MMP24: variants seen among roughly 807,000 people sequenced by gnomAD.
MMP24 encodes matrix metallopeptidase 24.
In MMP24, 25 loss-of-function variants were observed where a neutral mutation model predicts 62.8. The ratio of observed to expected loss-of-function variants is 0.40; its 90% CI spans 0.29 to 0.56. The LOEUF (loss-of-function observed/expected upper bound fraction) is 0.56, where lower values mean the gene tolerates loss of function less well. Ranked by LOEUF, MMP24 falls within the 20% of genes least tolerant of loss-of-function variation. The pLI, the probability that MMP24 is intolerant of heterozygous loss-of-function variation, is 0.50. For missense variants in MMP24, 634 were observed against 853.6 expected, an observed-to-expected ratio of 0.74 and a Z score of 3.21; for synonymous variants, 319 against 350.5, an observed-to-expected ratio of 0.91 and a Z score of 1.00.
At chr20:35,264,086 T>A in intron 5 of MMP24, 134 bp downstream of exon 5, 1 of 1,005,648 alleles carries the variant, frequency 9.9e-7, no homozygotes, top group Non-Finnish European at 1.4e-6. Context: ...GTGTGTGACC[T>A]TTACAGACTT....
rs1600810903 is a variant in MMP24, at chr20:35,274,465, C to T, written c.1794C>T (p.Gly598=). 3 of 1,614,050 alleles carry T rather than the reference C, an allele frequency of 1.9e-6. No individual in the cohort carries two copies. The highest frequency in any genetic ancestry group is 2.5e-6 in the Non-Finnish European group (3 of 1,179,894). ...TGGTGACCATCAACGATGTGCCGGG[C>T]TCCGTGAACGCCGTGGCCGTGGTCA... ...DIMVTINDVP[G]SVNAVAVVIP... is the part of the protein sequence containing the mutation. Residue 598 remains glycine, a synonymous_variant, in exon 9 of 9, where the codon GGC becomes GGT. Transcript: ENST00000246186. The surrounding 1 kb of genome is among the most constrained non-coding windows in gnomAD (Gnocchi z 5.1).
chr20:35,263,520 CCT>C (rs562971128), intron 4 of MMP24: 10 of 296,262 alleles, frequency 3.4e-5, no homozygotes, highest in Middle Eastern at 9.1e-4. Flanking sequence ...TTAAATGACC[CCT>C]CTCTCCTCAG....
chr20:35,270,452 G>A (rs553031163), intron 7 of MMP24, among the ~76,000 whole-genome samples: 15 of 152,344 alleles, frequency 9.8e-5, no homozygotes, highest in Admixed American at 4.6e-4. Flanking sequence ...CGGAGGCCCC[G>A]CCTTGGAAAG....
In MMP24 at chr20:35,271,100, T is replaced by G. The variant is rs1197394694; in HGVS notation, c.1334-469T>G. Among the ~76,000 whole-genome samples the G allele has an allele frequency of 1.3e-5, 2 of 152,076 alleles. No homozygotes were observed. Among genetic ancestry groups the G allele is most frequent in the African/African-American group, 4.8e-5 (2 of 41,404 alleles). The stretch of plus-strand genomic sequence containing the variant: ...GGAAAGAGAGGGTCAACAGTGAGGC[T>G]AGGACTCCCTGTTGGGGACCTGGGA... On this transcript the variant is annotated intron_variant, in intron 7 of 8. Transcript: ENST00000246186. This position sits in a 1 kb window ranked among gnomAD's most constrained non-coding sequence, Gnocchi z 4.0.
At chr20:35,273,445 G>C (rs894238384) in intron 8 of MMP24, among the ~76,000 whole-genome samples, 10 of 152,080 alleles carry the variant, frequency 6.6e-5, no homozygotes, top group African/African-American at 2.4e-4. Flanking sequence ...ACGAGCTAGA[G>C]GGGGCCGTGT....
intron 1 of MMP24, among the ~76,000 whole-genome samples, chr20:35,246,461 G>C (rs1422924194): frequency 1.3e-5 from 2 of 152,148 alleles, no homozygotes; most frequent in Non-Finnish European, 2.9e-5. Context: ...TGGCGACAAA[G>C]CTGGACTCCG....
intron 4 of MMP24, among the ~76,000 whole-genome samples, chr20:35,257,772 A>G (rs2060582137): frequency 6.6e-6 from 1 of 152,220 alleles, no homozygotes; most frequent in Non-Finnish European, 1.5e-5. Flanking sequence ...CAATTCTGAT[A>G]GAAATTCCAA....
intron 2 of MMP24, among the ~76,000 whole-genome samples, chr20:35,247,689 G>A (rs945035903): frequency 1.3e-5 from 2 of 152,224 alleles, no homozygotes; most frequent in African/African-American, 4.8e-5. Flanking sequence ...ACGTGATGAT[G>A]TGATGCAATG....
At position 35,226,968 on chromosome 20, in the gene MMP24, CG is replaced by C; in HGVS notation, c.231del (p.Phe79SerfsTer7). ...VAVARADEAE[A>X]PFAGQNWLKS... The stretch of plus-strand genomic sequence containing the variant: ...GTGGCGCGGGCGGACGAGGCGGAGG[CG>C]CCCTTCGCCGGGCAGGTGGGGCTGG... On this transcript the variant is annotated frameshift_variant, in exon 1 of 9. Coordinates refer to ENST00000246186, the MANE Select transcript of MMP24 (RefSeq NM_006690.4). LOFTEE classifies it high-confidence loss of function. 1 of 979,994 alleles carries C rather than the reference CG, an allele frequency of 1.0e-6. No homozygotes were observed. Among genetic ancestry groups the C allele is most frequent in the Non-Finnish European group, 1.2e-6 (1 of 827,870 alleles). 60.7% of individuals were successfully genotyped at this position (979,994 alleles called of 1,614,324 possible).
At chr20:35,244,559 G>A (rs955833700) in intron 1 of MMP24, among the ~76,000 whole-genome samples, 16 of 152,200 alleles carry the variant, frequency 1.1e-4, no homozygotes, top group Admixed American at 9.2e-4. Context: ...TCCTGCCTCA[G>A]CCTCCCGAGT....
intron 6 of MMP24, 42 bp downstream of exon 6, chr20:35,267,461 T>G (rs1568620700): frequency 4.0e-6 from 6 of 1,517,664 alleles, no homozygotes; most frequent in Non-Finnish European, 5.4e-6. Flanking sequence ...GCCCCTGACC[T>G]TTCCTCCTCC....
In MMP24 at chr20:35,269,947, C is replaced by A. The variant is rs1490160176; in HGVS notation, c.1333+49C>A. The A allele has an allele frequency of 6.5e-7, 1 of 1,546,138 alleles. No individual in the cohort carries two copies. Among genetic ancestry groups the A allele is most frequent in the Non-Finnish European group, 8.7e-7 (1 of 1,143,574 alleles). Reference sequence around the variant, plus strand: ...CAGTTCCCTGCCCAAGGTCTTGGGACCTCCTTTTTCCCATCTAAACTGGAA... The same window carrying A: ...CAGTTCCCTGCCCAAGGTCTTGGGAACTCCTTTTTCCCATCTAAACTGGAA... On this transcript the variant is annotated intron_variant, in intron 7 of 8. Coordinates refer to ENST00000246186, the MANE Select transcript of MMP24 (RefSeq NM_006690.4). The surrounding 1 kb of genome is among the most constrained non-coding windows in gnomAD (Gnocchi z 4.6).
At chr20:35,235,629 C>T (rs1014303173) in intron 1 of MMP24, among the ~76,000 whole-genome samples, 16 of 152,102 alleles carry the variant, frequency 1.1e-4, no homozygotes, top group African/African-American at 3.6e-4. Context: ...ACCCGAGAGG[C>T]GGAGGTTGCA....
chr20:35,238,937 C>T (rs988789943), intron 1 of MMP24, among the ~76,000 whole-genome samples: 2 of 152,154 alleles, frequency 1.3e-5, no homozygotes, highest in African/African-American at 4.8e-5. Flanking sequence ...CTCATTCTGT[C>T]GCCCACAGCC....
At position 35,263,858 on chromosome 20, in the gene MMP24, C is replaced by A. The variant is rs375374343; in HGVS notation, c.885C>A (p.Asp295Glu). ...CGCTGGGACTGGAGCACTCCAGCGA[C>A]CCCAGCGCCATCATGGCGCCCTTCT... ...GHALGLEHSS[D>E]PSAIMAPFYQ... The change falls in exon 5 of 9, where the codon GAC becomes GAA. Residue 295 changes from aspartate to glutamate, a missense_variant. This residue lies in a region of MMP24 where 399 missense variants were observed against 530.8 expected (regional missense o/e 0.75). Coordinates refer to ENST00000246186, the MANE Select transcript of MMP24 (RefSeq NM_006690.4). 1.3e-5 allele frequency: 21 copies of A among 1,612,144 alleles called. No homozygotes were observed. Among genetic ancestry groups the A allele is most frequent in the South Asian group, 1.1e-4 (10 of 90,778 alleles).
At chr20:35,230,023 T>C (rs545295147) in intron 1 of MMP24, among the ~76,000 whole-genome samples, 38 of 152,290 alleles carry the variant, frequency 2.5e-4, no homozygotes, top group African/African-American at 8.9e-4. Flanking sequence ...AGAGTCTCAC[T>C]CTGTTGCCCA....
At chr20:35,253,194 G>A (rs995368387) in intron 3 of MMP24, among the ~76,000 whole-genome samples, 1 of 151,618 alleles carries the variant, frequency 6.6e-6, no homozygotes, top group Non-Finnish European at 1.5e-5. Flanking sequence ...TGGTGCAGAG[G>A]CAAGATCTAA....
At chr20:35,253,270 C>CTTTTTTTTTTGTTTTT (rs2060557275) in intron 3 of MMP24, among the ~76,000 whole-genome samples, 1 of 79,078 alleles carries the variant, frequency 1.3e-5, no homozygotes, top group African/African-American at 5.8e-5. Flanking sequence ...CAGAACGGGA[C>CTTTTTTTTTTGTTTTT]TTTTTTTTTT....
chr20:35,272,335 A>C (rs746624047), intron 8 of MMP24, among the ~76,000 whole-genome samples: 5 of 152,200 alleles, frequency 3.3e-5, no homozygotes, highest in African/African-American at 4.8e-5. Flanking sequence ...TCCTAGTCTC[A>C]AATGATCCTC....
Sources: gnomAD v4.1 joint callset for allele counts (sites outside exome capture counted in the v4.1 genomes callset) on GRCh38, gnomAD v4.1.1 for gene constraint, gnomAD v4.1.1 regional missense constraint, Gnocchi (gnomAD v3.1) non-coding constraint, MANE v1.5 for transcripts, NCBI Gene and HGNC (gene_info 2026-07-23, HGNC 2026-07-21) for gene names.